Variants in WNT3 observed in about 807,000 individuals in gnomAD.
The protein encoded by WNT3 is proto-oncogene Wnt-3.
In WNT3, 7 loss-of-function variants were observed where a neutral mutation model predicts 34.2. That is an observed-to-expected ratio of 0.20 (90% CI 0.12 to 0.38). The LOEUF is 0.38. WNT3 is among the 10% of genes least tolerant of loss of function. WNT3 has a pLI of 1.00. For missense variants in WNT3, 267 were observed against 499.8 expected (o/e 0.53, Z 4.44); for synonymous variants, 212 against 211.5 (o/e 1.00, Z -0.02).
intron 1 of WNT3, among the ~76,000 whole-genome samples, chr17:46,789,450 G>A (rs1452053634): frequency 6.6e-6 from 1 of 152,206 alleles, no homozygotes. Flanking sequence ...GAGGAGTCCA[G>A]GAAACTGGAT....
intron 1 of WNT3, among the ~76,000 whole-genome samples, chr17:46,807,707 A>G (rs1465063183): frequency 2.0e-5 from 3 of 152,228 alleles, no homozygotes; most frequent in African/African-American, 7.2e-5. Flanking sequence ...GGCCAGGTAC[A>G]AAGACTCCAA....
At chr17:46,786,333 C>T (rs2059506587) in intron 1 of WNT3, among the ~76,000 whole-genome samples, 1 of 152,182 alleles carries the variant, frequency 6.6e-6, no homozygotes, top group South Asian at 2.1e-4. Context: ...CCCAGCCCAT[C>T]CTCCCCAGGA....
intron 1 of WNT3, among the ~76,000 whole-genome samples, chr17:46,793,272 T>TTA (rs2084010947): frequency 2.4e-5 from 1 of 41,950 alleles, no homozygotes; most frequent in Admixed American, 4.2e-4. Flanking sequence ...AGACCCTGTC[T>TTA]AAAAAAAAAA....
chr17:46,780,727 A>G (rs2059453390), intron 1 of WNT3, among the ~76,000 whole-genome samples: 1 of 152,022 alleles, frequency 6.6e-6, no homozygotes, highest in African/African-American at 2.4e-5. Context: ...CAGTGAGCTG[A>G]GATGGCGCCA....
chr17:46,791,416 A>C (rs1316939367), intron 1 of WNT3, among the ~76,000 whole-genome samples: 2 of 152,138 alleles, frequency 1.3e-5, no homozygotes, highest in Non-Finnish European at 2.9e-5. Flanking sequence ...CATGTTGGCC[A>C]GGCTGGTCTC....
At chr17:46,774,789 TACG>T (rs2059401080) in intron 1 of WNT3, among the ~76,000 whole-genome samples, 1 of 152,196 alleles carries the variant, frequency 6.6e-6, no homozygotes, top group Admixed American at 6.5e-5. Context: ...AGGTAGGAAT[TACG>T]ACTTTTCCGT....
At chr17:46,778,615 T>C (rs2059431332) in intron 1 of WNT3, among the ~76,000 whole-genome samples, 1 of 152,146 alleles carries the variant, frequency 6.6e-6, no homozygotes, top group Non-Finnish European at 1.5e-5. Flanking sequence ...TTCCCCATTA[T>C]TGAAGTACAC....
intron 2 of WNT3, among the ~76,000 whole-genome samples, chr17:46,771,348 C>T (rs996643777): frequency 6.6e-5 from 10 of 152,046 alleles, no homozygotes; most frequent in Admixed American, 4.6e-4. Context: ...TCCTAGACGC[C>T]CCAGCCCTGG....
At chr17:46,806,535 T>C (rs1466652449) in intron 1 of WNT3, among the ~76,000 whole-genome samples, 2 of 152,090 alleles carry the variant, frequency 1.3e-5, no homozygotes, top group Non-Finnish European at 2.9e-5. Flanking sequence ...ACAGGTAACA[T>C]GGGGATGAAG....
At chr17:46,813,298 G>C (rs1173154396) in intron 1 of WNT3, among the ~76,000 whole-genome samples, 3 of 151,746 alleles carry the variant, frequency 2.0e-5, no homozygotes, top group Non-Finnish European at 4.4e-5. Context: ...AGGAGGCAGG[G>C]ACTTGAATGA....
At chr17:46,796,019 G>T (rs570451964) in intron 1 of WNT3, among the ~76,000 whole-genome samples, 7 of 152,148 alleles carry the variant, frequency 4.6e-5, no homozygotes, top group Non-Finnish European at 7.4e-5. Flanking sequence ...TGTCGGCAGG[G>T]TAATTATCAG....
chr17:46,771,939 C>T (rs2059377538), intron 2 of WNT3, among the ~76,000 whole-genome samples: 1 of 147,194 alleles, frequency 6.8e-6, no homozygotes, highest in South Asian at 2.1e-4. Context: ...GCCGCGCCGC[C>T]GCCGCGCCTC....
chr17:46,763,452 G>A lies in WNT3; in HGVS notation c.*1178C>T, dbSNP rs2146361783. ...GGAAGCTATCTCAGCATGCAGGTGAGGGAGGAAGAGCTGGGGGAAAGAACT... is the reference window on the plus strand; with the variant it reads ...GGAAGCTATCTCAGCATGCAGGTGAAGGAGGAAGAGCTGGGGGAAAGAACT... On this transcript the variant is annotated 3_prime_UTR_variant, in exon 5 of 5. Transcript: ENST00000225512. 6.6e-6 allele frequency: 1 copy of A among 152,364 alleles called. No homozygotes were observed. Among genetic ancestry groups the A allele is most frequent in the South Asian group, 2.1e-4 (1 of 4,822 alleles). The allele number at this position is 152,364 out of a possible 1,614,324, so 9.4% of individuals were successfully genotyped here.
chr17:46,797,573 G>A (rs1164091709), intron 1 of WNT3, among the ~76,000 whole-genome samples: 1 of 152,164 alleles, frequency 6.6e-6, no homozygotes, highest in Non-Finnish European at 1.5e-5. Flanking sequence ...CAACCTCTTT[G>A]GAAAACAGTT....
At chr17:46,798,967 G>A (rs1233649209) in intron 1 of WNT3, among the ~76,000 whole-genome samples, 1 of 149,996 alleles carries the variant, frequency 6.7e-6, no homozygotes, top group Non-Finnish European at 1.5e-5. Context: ...AGAATCACTT[G>A]AGCCTGTGAG....
chr17:46,793,432 T>C (rs1166077931), intron 1 of WNT3, among the ~76,000 whole-genome samples: 1 of 152,070 alleles, frequency 6.6e-6, no homozygotes, highest in Admixed American at 6.6e-5. Context: ...CCCTGTAAAT[T>C]CAAATGCTGG....
At chr17:46,808,991 A>G (rs1296978962) in intron 1 of WNT3, among the ~76,000 whole-genome samples, 1 of 152,200 alleles carries the variant, frequency 6.6e-6, no homozygotes, top group East Asian at 1.9e-4. Flanking sequence ...AGCAGCGCAG[A>G]GCAGACTGAC....
intron 1 of WNT3, among the ~76,000 whole-genome samples, chr17:46,775,461 G>A (rs1025198343): frequency 6.6e-6 from 1 of 152,176 alleles, no homozygotes; most frequent in African/African-American, 2.4e-5. Context: ...GTCAGGGGGA[G>A]AGGCAGGTTC....
At position 46,768,512 on chromosome 17, in the gene WNT3, G is replaced by A; in HGVS notation, c.876C>T (p.Ser292=). Residue 292 remains serine (S), a synonymous_variant, in exon 4 of 5, where the codon TCC becomes TCT. Transcript: ENST00000225512. This position sits in a 1 kb window ranked among gnomAD's most constrained non-coding sequence, Gnocchi z 5.0. ...TGCAAGTCCGGTCCCTTGTGCCAAA[G>A]GAACCCGTCTCTGGGTTGGGCTCAC... The part of the protein sequence containing the change: ...NFCEPNPETG[S]FGTRDRTCNV... 1 of 1,614,210 alleles carries A rather than the reference G, an allele frequency of 6.2e-7. No homozygotes were observed. Among genetic ancestry groups the A allele is most frequent in the Non-Finnish European group, 8.5e-7 (1 of 1,180,050 alleles).
Sources: gnomAD v4.1 joint callset for allele counts (sites outside exome capture counted in the v4.1 genomes callset) on GRCh38, gnomAD v4.1.1 for gene constraint, Gnocchi (gnomAD v3.1) non-coding constraint, MANE v1.5 for transcripts, NCBI Gene and HGNC (gene_info 2026-07-23, HGNC 2026-07-21) for gene names.